The following PDE5A variants were observed in gnomAD, a reference collection of about 807,000 sequenced individuals.
PDE5A encodes cGMP-specific 3',5'-cyclic phosphodiesterase.
PDE5A carries 67 observed loss-of-function variants against 110.2 expected under a neutral mutation model. The ratio of observed to expected loss-of-function variants is 0.61; its 90% CI spans 0.50 to 0.75. The LOEUF is 0.75. PDE5A is among the 30% of genes least tolerant of loss of function. The probability of loss-of-function intolerance (pLI) is 0.00; values close to 1 mark genes in which losing one functional copy is unlikely to be tolerated. For missense variants in PDE5A, 862 were observed against 1,045.1 expected, an observed-to-expected ratio of 0.82 and a Z score of 2.42; for synonymous variants, 328 against 351.2, an observed-to-expected ratio of 0.93 and a Z score of 0.74.
intron 14 of PDE5A, among the ~76,000 whole-genome samples, chr4:119,516,137 C>A (rs1192580324): frequency 6.6e-6 from 1 of 152,098 alleles, no homozygotes; most frequent in Non-Finnish European, 1.5e-5. Flanking sequence ...ATTTTAAGAC[C>A]AAGTTTAAGT....
At chr4:119,536,013 A>G (rs939803038) in intron 11 of PDE5A, among the ~76,000 whole-genome samples, 7 of 152,158 alleles carry the variant, frequency 4.6e-5, no homozygotes, top group Admixed American at 4.6e-4. Flanking sequence ...TAGAACTGAA[A>G]TCAGTTGCTG....
intron 2 of PDE5A, among the ~76,000 whole-genome samples, chr4:119,603,757 T>G (rs1729427419): frequency 6.6e-6 from 1 of 152,188 alleles, no homozygotes; most frequent in African/African-American, 2.4e-5. Context: ...ATTATTCTGT[T>G]TCACAGACAC....
At chr4:119,559,330 C>G (rs1474349666) in intron 7 of PDE5A, among the ~76,000 whole-genome samples, 1 of 151,916 alleles carries the variant, frequency 6.6e-6, no homozygotes, top group Non-Finnish European at 1.5e-5. Context: ...AATCAAAAGC[C>G]AATACCTAAA....
chr4:119,517,548 A>C (rs1454968957), intron 14 of PDE5A, among the ~76,000 whole-genome samples: 1 of 151,644 alleles, frequency 6.6e-6, no homozygotes, highest in Non-Finnish European at 1.5e-5. Context: ...GTGTGTGTGA[A>C]AGCAAGATTC....
intron 1 of PDE5A, among the ~76,000 whole-genome samples, chr4:119,618,908 CCTCA>C (rs1245722883): frequency 1.3e-5 from 2 of 152,070 alleles, no homozygotes; most frequent in Non-Finnish European, 2.9e-5. Flanking sequence ...AATCCTTGGA[CCTCA>C]AAAATGTCCA....
chr4:119,500,334 A>G (rs1725257523), intron 20 of PDE5A: 1 of 133,794 alleles, frequency 7.5e-6, no homozygotes, highest in East Asian at 2.2e-4. Flanking sequence ...ACAGTTCTTT[A>G]TATTAAATTC....
In PDE5A at chr4:119,527,940, T is replaced by C. The variant is rs1225253894; in HGVS notation, c.1633-2245A>G. On this transcript the variant is annotated intron_variant, in intron 11 of 20. Coordinates refer to ENST00000354960, the MANE Select transcript of PDE5A (RefSeq NM_001083.4). ...ATTGCTTATTTATATGAGAGCACAATGTCTCTGAATTCTTGGACAAAACAG... is the reference window on the plus strand; with the variant it reads ...ATTGCTTATTTATATGAGAGCACAACGTCTCTGAATTCTTGGACAAAACAG... Among the ~76,000 whole-genome samples, 4 of 152,240 alleles carry C rather than the reference T, an allele frequency of 2.6e-5. No homozygotes were observed. In the East Asian group the frequency reaches 7.7e-4, roughly 29 times the overall value.
At chr4:119,533,764 A>G (rs923839198) in intron 11 of PDE5A, among the ~76,000 whole-genome samples, 3 of 152,204 alleles carry the variant, frequency 2.0e-5, no homozygotes, top group African/African-American at 4.8e-5. Context: ...TATAGAAAGC[A>G]TGTAATAATG....
chr4:119,511,120 A>G lies in PDE5A; in HGVS notation c.2015T>C (p.Leu672Pro). ...NSYIQRSEHP[L>P]AQLYCHSIME... is the part of the protein sequence containing the mutation. ...GATTGAATGGCAGTAAAGCTGGGCA[A>G]GTGGATGTTCACTTCTGAAAGTATT... Residue 672 changes from leucine to proline, a missense_variant, in exon 15 of 21, where the codon CTT (leucine) becomes CCT (proline). Transcript: ENST00000354960. 1.2e-6 allele frequency: 2 copies of G among 1,608,112 alleles called. No homozygotes were observed. Among genetic ancestry groups the G allele is most frequent in the Non-Finnish European group, 1.7e-6 (2 of 1,175,262 alleles).
chr4:119,604,525 A>C (rs1169191133), intron 2 of PDE5A, among the ~76,000 whole-genome samples: 1 of 152,154 alleles, frequency 6.6e-6, no homozygotes, highest in Non-Finnish European at 1.5e-5. Context: ...CCCCTCTTGG[A>C]ATCTGCTACA....
chr4:119,580,964 G>A (rs1362915616), intron 3 of PDE5A, among the ~76,000 whole-genome samples: 5 of 152,212 alleles, frequency 3.3e-5, no homozygotes, highest in Non-Finnish European at 1.5e-5. Flanking sequence ...TTTAAGGGTG[G>A]TATCCTGCCT....
intron 7 of PDE5A, among the ~76,000 whole-genome samples, chr4:119,555,450 CAAT>C (rs1253679752): frequency 6.6e-6 from 1 of 151,426 alleles, no homozygotes; most frequent in Non-Finnish European, 1.5e-5. Context: ...TTTAATAAAA[CAAT>C]GTTTAAAACT....
chr4:119,574,470 C>T (rs371296789), intron 3 of PDE5A, among the ~76,000 whole-genome samples: 9 of 152,060 alleles, frequency 5.9e-5, no homozygotes, highest in South Asian at 4.2e-4. Context: ...TGTGGGCCAC[C>T]GCGCCTGGCC....
intron 1 of PDE5A, among the ~76,000 whole-genome samples, chr4:119,622,474 A>G (rs1025135141): frequency 6.6e-6 from 1 of 152,220 alleles, no homozygotes; most frequent in African/African-American, 2.4e-5. Flanking sequence ...TTCAGAATCA[A>G]GGGAAAAGTC....
At chr4:119,580,872 C>A (rs924399509) in intron 3 of PDE5A, among the ~76,000 whole-genome samples, 1 of 152,200 alleles carries the variant, frequency 6.6e-6, no homozygotes, top group Non-Finnish European at 1.5e-5. Context: ...AATAATTCCA[C>A]CACTGTTTAT....
At chr4:119,563,703 C>T (rs958074632) in intron 5 of PDE5A, among the ~76,000 whole-genome samples, 2 of 151,986 alleles carry the variant, frequency 1.3e-5, no homozygotes, top group African/African-American at 2.4e-5. Context: ...GAGGTTGCAG[C>T]GTTAAGTAGA....
intron 1 of PDE5A, among the ~76,000 whole-genome samples, chr4:119,613,387 C>T (rs1296920692): frequency 7.9e-5 from 12 of 151,456 alleles, no homozygotes; most frequent in Non-Finnish European, 1.2e-4. Flanking sequence ...TTTTCTGGAA[C>T]GAATTATTCC....
intron 3 of PDE5A, among the ~76,000 whole-genome samples, chr4:119,582,776 T>A (rs1256596143): frequency 6.6e-6 from 1 of 152,204 alleles, no homozygotes; most frequent in Non-Finnish European, 1.5e-5. Context: ...GGTGACTAGG[T>A]GTACTGTCAC....
chr4:119,562,631 G>A (rs1196451741), intron 6 of PDE5A, among the ~76,000 whole-genome samples: 3 of 152,066 alleles, frequency 2.0e-5, no homozygotes, highest in Admixed American at 1.3e-4. Context: ...GGTAAAAAAA[G>A]GCTGATGAAG....
Sources: allele counts gnomAD v4.1 joint callset (sites outside exome capture counted in the v4.1 genomes callset), GRCh38; gene constraint gnomAD v4.1.1; transcripts MANE v1.5; gene names NCBI Gene and HGNC (gene_info 2026-07-23, HGNC 2026-07-21).